The following SERPINI1 variants were observed in gnomAD, a reference collection of about 807,000 sequenced individuals.
SERPINI1 encodes neuroserpin.
SERPINI1 carries 19 observed loss-of-function variants against 41.1 expected under a neutral mutation model. The ratio of observed to expected loss-of-function variants is 0.46; its 90% confidence interval spans 0.32 to 0.68. SERPINI1 has a LOEUF of 0.68. SERPINI1 is among the 30% of genes least tolerant of loss of function. The probability of loss-of-function intolerance (pLI) is 0.03; values close to 1 mark genes in which losing one functional copy is unlikely to be tolerated. For missense variants in SERPINI1, 460 were observed against 479.2 expected (o/e 0.96, Z 0.37); for synonymous variants, 138 against 156.6 (o/e 0.88, Z 0.89).
At chr3:167,782,359 T>A (rs867563219) in intron 1 of SERPINI1, among the ~76,000 whole-genome samples, 11 of 152,238 alleles carry the variant, frequency 7.2e-5, no homozygotes, top group Middle Eastern at 6.8e-3. Flanking sequence ...GCTGTAAAGA[T>A]GGAAACACTT....
At chr3:167,774,094 T>G (rs1322942875) in intron 1 of SERPINI1, among the ~76,000 whole-genome samples, 2 of 152,194 alleles carry the variant, frequency 1.3e-5, no homozygotes, top group Non-Finnish European at 2.9e-5. Flanking sequence ...TTTCCAGATA[T>G]CTAAATTAGT....
At chr3:167,760,155 A>C (rs1290676342) in intron 1 of SERPINI1, among the ~76,000 whole-genome samples, 1 of 151,054 alleles carries the variant, frequency 6.6e-6, no homozygotes, top group Non-Finnish European at 1.5e-5. Flanking sequence ...TTGAAAGAAG[A>C]TTAAAAGTTG....
At chr3:167,738,840 T>C (rs1725572190) in intron 1 of SERPINI1, among the ~76,000 whole-genome samples, 1 of 151,128 alleles carries the variant, frequency 6.6e-6, no homozygotes, top group East Asian at 2.0e-4. Flanking sequence ...ATCAAACTGG[T>C]ATTCATTAGA....
intron 1 of SERPINI1, among the ~76,000 whole-genome samples, chr3:167,764,412 C>A (rs988793113): frequency 6.6e-6 from 1 of 152,026 alleles, no homozygotes; most frequent in Non-Finnish European, 1.5e-5. Context: ...AGAGAGAGAG[C>A]TTGTGCAGGG....
intron 6 of SERPINI1, among the ~76,000 whole-genome samples, chr3:167,814,273 A>T (rs914049517): frequency 6.6e-6 from 1 of 152,146 alleles, no homozygotes; most frequent in Non-Finnish European, 1.5e-5. Flanking sequence ...CATCTGGCTC[A>T]TAGTAGGTGC....
chr3:167,802,948 T>TA (rs992058359), intron 5 of SERPINI1, among the ~76,000 whole-genome samples: 1 of 150,730 alleles, frequency 6.6e-6, no homozygotes, highest in Non-Finnish European at 1.5e-5. Context: ...TATGCAGCCA[T>TA]AAAAAATGAT....
At chr3:167,761,879 T>C (rs1406378787) in intron 1 of SERPINI1, among the ~76,000 whole-genome samples, 1 of 152,216 alleles carries the variant, frequency 6.6e-6, no homozygotes, top group Non-Finnish European at 1.5e-5. Flanking sequence ...TCATTACTTG[T>C]ACAATTTATT....
In SERPINI1 at chr3:167,750,804, A is replaced by C. The variant is rs116761999; in HGVS notation, c.-19+14981A>C. On this transcript the variant is annotated intron_variant, in intron 1 of 8. Transcript: ENST00000446050. ...TCCAGCCAAAACATAGTTCTGCAAT[A>C]TAATTATGATCTCAGAAGTAACCAG... Among the ~76,000 whole-genome samples the C allele has an allele frequency of 9.1e-3, 1,379 of 152,266 alleles. 10 individuals are homozygous for C. The highest frequency in any genetic ancestry group is 0.015 in the Non-Finnish European group (1,000 of 67,998).
chr3:167,772,864 C>CTCTCTCTATATATATATATATATATA (rs1374013676), intron 1 of SERPINI1, among the ~76,000 whole-genome samples: 1 of 24,666 alleles, frequency 4.1e-5, no homozygotes, highest in Non-Finnish European at 6.5e-5. Context: ...CTCTCTCTCT[C>CTCTCTCTATATATATATATATATATA]TATATATATA....
At position 167,823,051 on chromosome 3, in the gene SERPINI1, TC is replaced by T. The variant is rs1480503699; in HGVS notation, c.1046del (p.Ser349Ter). ...CTTCCTAGAGGTTAATGAAGAAGGC[TC>T]AGAAGCTGCTGCTGTCTCAGGTACT... ...KSFLEVNEEG[S>X]EAAAVSGMIA... On this transcript the variant is annotated frameshift_variant, in exon 7 of 9. Transcript: ENST00000446050. LOFTEE classifies it high-confidence loss of function. 6.2e-7 allele frequency: 1 copy of T among 1,607,522 alleles called. No homozygotes were observed.
At chr3:167,771,811 G>C (rs1423820217) in intron 1 of SERPINI1, among the ~76,000 whole-genome samples, 2 of 150,226 alleles carry the variant, frequency 1.3e-5, no homozygotes, top group Non-Finnish European at 1.5e-5. Context: ...TAGATGGACT[G>C]TGTGTGAGTG....
At chr3:167,770,118 A>G (rs1726698423) in intron 1 of SERPINI1, among the ~76,000 whole-genome samples, 1 of 151,372 alleles carries the variant, frequency 6.6e-6, no homozygotes, top group African/African-American at 2.4e-5. Context: ...ATATGCATAT[A>G]TATGCACACA....
chr3:167,793,124 G>A (rs1458959786), intron 4 of SERPINI1, among the ~76,000 whole-genome samples: 4 of 152,122 alleles, frequency 2.6e-5, no homozygotes, highest in Non-Finnish European at 5.9e-5. Context: ...CGAAGCACTT[G>A]ATTTAGGCTC....
At chr3:167,761,961 T>C (rs950867372) in intron 1 of SERPINI1, among the ~76,000 whole-genome samples, 2 of 152,202 alleles carry the variant, frequency 1.3e-5, no homozygotes, top group Admixed American at 6.5e-5. Context: ...TATTTCCATA[T>C]GTTTAAGCAG....
chr3:167,775,607 A>G (rs977835907), intron 1 of SERPINI1, among the ~76,000 whole-genome samples: 1 of 152,146 alleles, frequency 6.6e-6, no homozygotes, highest in African/African-American at 2.4e-5. Flanking sequence ...TTACACGAAA[A>G]CATTTTAATA....
Position 167,756,349 on chromosome 3 carries a change from G to A in SERPINI1, c.-19+20526G>A, listed in dbSNP as rs567419901. ...TCTCACTCTGCTTGCCCAGGCTAGA[G>A]TACAGTGGTGTGATCTCAGCTCACT... On this transcript the variant is annotated intron_variant, in intron 1 of 8. Coordinates refer to ENST00000446050, the MANE Select transcript of SERPINI1 (RefSeq NM_001122752.2). Among the ~76,000 whole-genome samples the A allele has an allele frequency of 5.2e-4, 79 of 152,280 alleles. 1 individual carries two copies. Among genetic ancestry groups the A allele is most frequent in the Admixed American group, 9.2e-4 (14 of 15,300 alleles).
intron 6 of SERPINI1, among the ~76,000 whole-genome samples, chr3:167,813,033 A>C (rs959628215): frequency 6.6e-6 from 1 of 152,178 alleles, no homozygotes; most frequent in Non-Finnish European, 1.5e-5. Flanking sequence ...AGCTTTAATA[A>C]AGGAGCCAAT....
chr3:167,786,786 TA>T (rs1021853202), intron 1 of SERPINI1, among the ~76,000 whole-genome samples: 1 of 152,174 alleles, frequency 6.6e-6, no homozygotes, highest in African/African-American at 2.4e-5. Flanking sequence ...TTTAAATGTT[TA>T]AAAAACTTTT....
intron 1 of SERPINI1, among the ~76,000 whole-genome samples, chr3:167,752,740 C>G: frequency 6.6e-6 from 1 of 152,000 alleles, no homozygotes; most frequent in Non-Finnish European, 1.5e-5. Flanking sequence ...CATAAGCCAG[C>G]CTCTTCTTTT....
Sources: allele counts gnomAD v4.1 joint callset (sites outside exome capture counted in the v4.1 genomes callset), GRCh38; gene constraint gnomAD v4.1.1; transcripts MANE v1.5; gene names NCBI Gene and HGNC (gene_info 2026-07-23, HGNC 2026-07-21).